PTGES3: variants seen among roughly 807,000 people sequenced by gnomAD.
The protein encoded by PTGES3 is prostaglandin E synthase 3, also known as Hsp90 co-chaperone.
PTGES3 carries 5 observed loss-of-function variants against 29.9 expected under a neutral mutation model. That is an observed-to-expected ratio of 0.17 (90% CI 0.09 to 0.35). The LOEUF (loss-of-function observed/expected upper bound fraction) is 0.35, where lower values mean the gene tolerates loss of function less well. PTGES3 is among the 10% of genes least tolerant of loss of function. The pLI is 1.00. For missense variants in PTGES3, 128 were observed against 190.0 expected, an observed-to-expected ratio of 0.67 and a Z score of 1.92; for synonymous variants, 49 against 57.8, an observed-to-expected ratio of 0.85 and a Z score of 0.69.
intron 1 of PTGES3, among the ~76,000 whole-genome samples, chr12:56,676,586 T>TA (rs1163052357): frequency 2.0e-5 from 3 of 152,022 alleles, no homozygotes; most frequent in Middle Eastern, 3.4e-3. Context: ...GTAATTTTTT[T>TA]AAAAAAAGAG....
rs190942274 is a variant in PTGES3, at chr12:56,671,404, A to G, written c.285+345T>C. Among the ~76,000 whole-genome samples the G allele has an allele frequency of 1.4e-3, 208 of 151,990 alleles. 1 individual carries two copies. Among genetic ancestry groups the G allele is most frequent in the Middle Eastern group, 6.8e-3 (2 of 294 alleles). On this transcript the variant is annotated intron_variant, in intron 4 of 7. Transcript: ENST00000262033. ...ACAAAGAGAGACCCTGTTTTGGGGG[A>G]AAAAAAACACTGAAAATTGTTAAAC...
intron 1 of PTGES3, among the ~76,000 whole-genome samples, chr12:56,683,768 G>A (rs1401814554): frequency 6.6e-6 from 1 of 151,610 alleles, no homozygotes; most frequent in Non-Finnish European, 1.5e-5. Context: ...GACCATTCTG[G>A]CTAACACGGT....
At chr12:56,687,595 C>T (rs1164548989) in intron 1 of PTGES3, 11 of 1,072,214 alleles carry the variant, frequency 1.0e-5, no homozygotes, top group East Asian at 7.5e-5. Flanking sequence ...GGCCTGGCCC[C>T]GGGACCACAA....
In PTGES3 at chr12:56,685,284, A is replaced by G. The variant is rs1952771493; in HGVS notation, c.2+2714T>C. Among the ~76,000 whole-genome samples, 3 of 152,192 alleles carry G rather than the reference A, an allele frequency of 2.0e-5. No individual in the cohort carries two copies. In the South Asian group the frequency reaches 6.2e-4, roughly 32 times the overall value. On this transcript the variant is annotated intron_variant, in intron 1 of 7. Transcript: ENST00000262033. ...CCCTGAAGAATTTACTAAACGGCAT[A>G]TATTATTTTTAAAAGAATATTTTAG...
chr12:56,680,780 AGT>A (rs1491402427), intron 1 of PTGES3, among the ~76,000 whole-genome samples: 1 of 82,964 alleles, frequency 1.2e-5, no homozygotes, highest in Non-Finnish European at 2.2e-5. Context: ...GTTTTTTAAA[AGT>A]TTTTTTTTTT....
At chr12:56,673,932 C>G (rs930075059) in intron 1 of PTGES3, among the ~76,000 whole-genome samples, 3 of 152,010 alleles carry the variant, frequency 2.0e-5, no homozygotes, top group Non-Finnish European at 4.4e-5. Context: ...CATGCCACTG[C>G]AATCCAGCCT....
At chr12:56,674,525 G>A (rs969765844) in intron 1 of PTGES3, among the ~76,000 whole-genome samples, 5 of 151,278 alleles carry the variant, frequency 3.3e-5, no homozygotes, top group Non-Finnish European at 5.9e-5. Context: ...ACTCGTCTCT[G>A]CTAAAATTAC....
Position 56,672,999 on chromosome 12 carries a change from G to A in PTGES3, c.69C>T (p.Asp23=). The A allele has an allele frequency of 2.5e-6, 4 of 1,609,936 alleles. No individual in the cohort carries two copies. The highest frequency in any genetic ancestry group is 2.5e-6 in the Non-Finnish European group (3 of 1,178,994). The part of the protein sequence containing the change: ...DYVFIEFCVE[D]SKDVNVNFEK... ...CAAAATTTACATTAACATCCTTACTGTCTTCAACACAAAATTCAATGAAGA... is the reference window on the plus strand; with the variant it reads ...CAAAATTTACATTAACATCCTTACTATCTTCAACACAAAATTCAATGAAGA... Residue 23 remains aspartate (D), a synonymous_variant, in exon 2 of 8, where the codon GAC becomes GAT. Coordinates refer to ENST00000262033, the MANE Select transcript of PTGES3 (RefSeq NM_006601.7).
chr12:56,666,790 C>A (rs1029767585), intron 5 of PTGES3, among the ~76,000 whole-genome samples: 2 of 152,046 alleles, frequency 1.3e-5, no homozygotes, highest in Admixed American at 6.6e-5. Flanking sequence ...CCACACCCAA[C>A]TAATTTTTTG....
At chr12:56,682,886 T>TG (rs968141759) in intron 1 of PTGES3, among the ~76,000 whole-genome samples, 9 of 151,648 alleles carry the variant, frequency 5.9e-5, no homozygotes, top group African/African-American at 2.2e-4. Flanking sequence ...CCCAGCTACT[T>TG]GGGAGTCTGA....
chr12:56,681,537 C>CAAAA lies in PTGES3; in HGVS notation c.2+6457_2+6460dup, dbSNP rs34581651. Among the ~76,000 whole-genome samples the CAAAA allele has an allele frequency of 2.5e-3, 64 of 25,674 alleles. 5 individuals carry two copies. Among genetic ancestry groups the CAAAA allele is most frequent in the African/African-American group, 8.7e-3 (40 of 4,578 alleles). The allele number at this position is 25,674 out of a possible 152,430, so 16.8% of individuals were successfully genotyped here. On this transcript the variant is annotated intron_variant, in intron 1 of 7. Coordinates refer to ENST00000262033, the MANE Select transcript of PTGES3 (RefSeq NM_006601.7). The stretch of plus-strand genomic sequence containing the variant: ...TGGGCAACAGAGTGAGACTCCATCT[C>CAAAA]AAAAAAAAAAAAAAAAAAAAAAAAG...
chr12:56,675,671 A>G (rs543638608), intron 1 of PTGES3, among the ~76,000 whole-genome samples: 3 of 152,272 alleles, frequency 2.0e-5, no homozygotes, highest in African/African-American at 7.2e-5. Flanking sequence ...TGTAATCTCC[A>G]GCACTTTGGG....
intron 5 of PTGES3, among the ~76,000 whole-genome samples, chr12:56,668,210 T>C (rs1268929916): frequency 2.0e-5 from 3 of 152,188 alleles, no homozygotes; most frequent in South Asian, 4.1e-4. Flanking sequence ...TATAAAAATT[T>C]TGGGCAATCT....
At chr12:56,676,354 T>C (rs1252313468) in intron 1 of PTGES3, among the ~76,000 whole-genome samples, 8 of 151,958 alleles carry the variant, frequency 5.3e-5, no homozygotes, top group Admixed American at 5.2e-4. Flanking sequence ...GCAAAGTAAC[T>C]AACCATGTCT....
chr12:56,688,214 G>C lies in PTGES3; in HGVS notation c.-215C>G. On this transcript the variant is annotated 5_prime_UTR_variant, in exon 1 of 8. Transcript: ENST00000262033. ...GAGCGGCTCCTCCGGTCGGGGAGAA[G>C]AGGAAAGTGTAGGAAAAGGGGCGCG... 3 of 854,372 alleles carry C rather than the reference G, an allele frequency of 3.5e-6. No individual in the cohort carries two copies. Among genetic ancestry groups the C allele is most frequent in the Non-Finnish European group, 3.3e-6 (2 of 603,166 alleles). 52.9% of individuals were successfully genotyped at this position (854,372 alleles called of 1,614,324 possible).
At chr12:56,676,367 G>A (rs898444715) in intron 1 of PTGES3, among the ~76,000 whole-genome samples, 1 of 151,816 alleles carries the variant, frequency 6.6e-6, no homozygotes, top group African/African-American at 2.4e-5. Context: ...CCATGTCTCT[G>A]TACTTCCAGT....
At chr12:56,666,666 C>G (rs989361751) in intron 5 of PTGES3, among the ~76,000 whole-genome samples, 1 of 151,876 alleles carries the variant, frequency 6.6e-6, no homozygotes, top group East Asian at 1.9e-4. Context: ...CTAGCTTTGT[C>G]GTCCAAGCTG....
In PTGES3 at chr12:56,688,020, G is replaced by C. The variant is rs751557601; in HGVS notation, c.-21C>G. ...CACATTGTGAACGGGGCAGGGGGAC[G>C]GGCGAACTGGTGGGCGGGCCTCTCT... On this transcript the variant is annotated 5_prime_UTR_variant, in exon 1 of 8. Transcript: ENST00000262033. 43 of 1,530,736 alleles carry C rather than the reference G, an allele frequency of 2.8e-5. No homozygotes were observed. Among genetic ancestry groups the C allele is most frequent in the Non-Finnish European group, 3.7e-5 (42 of 1,137,602 alleles). The allele number at this position is 1,530,736 out of a possible 1,614,324, so 94.8% of individuals were successfully genotyped here. A position where few individuals can be genotyped will look rare whatever the true frequency, so the allele number is the denominator to read the frequency against.
intron 1 of PTGES3, 74 bp downstream of exon 1, chr12:56,687,924 G>T: frequency 6.2e-7 from 1 of 1,603,482 alleles, no homozygotes; most frequent in Non-Finnish European, 8.5e-7. Flanking sequence ...AGGCTAGGGG[G>T]CCGCTTCCAG....
Sources: gnomAD v4.1 joint callset for allele counts (sites outside exome capture counted in the v4.1 genomes callset) on GRCh38, gnomAD v4.1.1 for gene constraint, MANE v1.5 for transcripts, NCBI Gene and HGNC (gene_info 2026-07-23, HGNC 2026-07-21) for gene names.